Variants in CTDSPL observed in about 807,000 individuals in gnomAD.
The protein encoded by CTDSPL is CTD small phosphatase-like protein.
A neutral mutation model predicts 30.5 loss-of-function variants in CTDSPL; 8 were observed. That is an observed-to-expected ratio of 0.26 (90% CI 0.15 to 0.47). The LOEUF (loss-of-function observed/expected upper bound fraction) is 0.47, where lower values mean the gene tolerates loss of function less well. Ranked by LOEUF, CTDSPL falls within the 20% of genes least tolerant of loss-of-function variation. The pLI is 0.99. For missense variants in CTDSPL, 248 were observed against 366.1 expected, an observed-to-expected ratio of 0.68 and a Z score of 2.63; for synonymous variants, 110 against 137.9, an observed-to-expected ratio of 0.80 and a Z score of 1.42.
At chr3:37,893,685 G>C (rs1443463860) in intron 1 of CTDSPL, among the ~76,000 whole-genome samples, 1 of 152,190 alleles carries the variant, frequency 6.6e-6, no homozygotes, top group Non-Finnish European at 1.5e-5. Flanking sequence ...AGAGGAATAA[G>C]TATAAATATT....
At chr3:37,973,749 T>C (rs1699393785) in intron 6 of CTDSPL, among the ~76,000 whole-genome samples, 1 of 152,232 alleles carries the variant, frequency 6.6e-6, no homozygotes. Flanking sequence ...TTAGTACCTA[T>C]TGTGTGCCAG....
At chr3:37,927,816 C>T (rs1490624620) in intron 1 of CTDSPL, among the ~76,000 whole-genome samples, 1 of 151,710 alleles carries the variant, frequency 6.6e-6, no homozygotes, top group Admixed American at 6.6e-5. Flanking sequence ...TTGACTGAAA[C>T]TCTAGACTCA....
At chr3:37,935,568 T>G (rs1489496442) in intron 1 of CTDSPL, among the ~76,000 whole-genome samples, 1 of 152,146 alleles carries the variant, frequency 6.6e-6, no homozygotes, top group Non-Finnish European at 1.5e-5. Flanking sequence ...CACAGGGGTT[T>G]AGGGAAGTGC....
chr3:37,977,731 A>G (rs550897643), intron 7 of CTDSPL, among the ~76,000 whole-genome samples: 173 of 151,952 alleles, frequency 1.1e-3, no homozygotes, highest in Admixed American at 2.0e-3. Flanking sequence ...CTTAAAAAAA[A>G]AAAAATTAGC....
chr3:37,976,524 C>G (rs1469955722), intron 7 of CTDSPL, among the ~76,000 whole-genome samples: 2 of 151,262 alleles, frequency 1.3e-5, no homozygotes, highest in Non-Finnish European at 2.9e-5. Context: ...CTCAGCTACT[C>G]GGGAGGCTGA....
At position 37,862,208 on chromosome 3, in the gene CTDSPL, C is replaced by A; in HGVS notation, c.9C>A (p.Gly3=). The A allele has an allele frequency of 7.0e-7, 1 of 1,427,104 alleles. No individual in the cohort carries two copies. Among genetic ancestry groups the A allele is most frequent in the Non-Finnish European group, 9.2e-7 (1 of 1,089,476 alleles). 88.4% of individuals were successfully genotyped at this position (1,427,104 alleles called of 1,614,324 possible). A position where few individuals can be genotyped will look rare whatever the true frequency, so the allele number is the denominator to read the frequency against. The change falls in exon 1 of 8, where the codon GGC becomes GGA. Residue 3 remains glycine (G), a synonymous_variant. Transcript: ENST00000273179. This position sits in a 1 kb window ranked among gnomAD's most constrained non-coding sequence, Gnocchi z 4.3. The part of the protein sequence containing the change: MD[G]PAIITQVTNP... ...CGCCGCGCCGCGCACCCATGGACGG[C>A]CCGGCCATCATCACCCAGGTGACCA...
At chr3:37,865,032 G>A (rs62241549) in intron 1 of CTDSPL, among the ~76,000 whole-genome samples, 8,971 of 152,214 alleles carry the variant, frequency 0.059, 300 homozygotes, top group African/African-American at 0.082. Context: ...ATTTACAAAG[G>A]AAGTACTAAG....
chr3:37,957,105 C>A lies in CTDSPL; in HGVS notation c.235-6C>A. On this transcript the variant is annotated splice_polypyrimidine_tract_variant and splice_region_variant and intron_variant, in intron 2 of 7. Coordinates refer to ENST00000273179, the MANE Select transcript of CTDSPL (RefSeq NM_001008392.2). ...TGACAATGATTTTTTTTTTCTTTTT[C>A]CTCAGGGTGACCAGAGGCAGGTCAT... 1 of 1,594,210 alleles carries A rather than the reference C, an allele frequency of 6.3e-7. No individual in the cohort carries two copies. Among genetic ancestry groups the A allele is most frequent in the Non-Finnish European group, 8.6e-7 (1 of 1,169,468 alleles).
intron 7 of CTDSPL, among the ~76,000 whole-genome samples, chr3:37,979,181 G>A (rs1051706441): frequency 6.6e-6 from 1 of 152,080 alleles, no homozygotes; most frequent in Non-Finnish European, 1.5e-5. Context: ...TGAATGCCAG[G>A]CTTGGTGGCT....
In CTDSPL at chr3:37,940,734, A is replaced by G. The variant is rs184480506; in HGVS notation, c.80-6323A>G. ...GCCAGCCCTTGATAAAGGACAGAAC[A>G]TTGGTAGGGTGAGAGTGGTTCCCCA... On this transcript the variant is annotated intron_variant, in intron 1 of 7. Coordinates refer to ENST00000273179, the MANE Select transcript of CTDSPL (RefSeq NM_001008392.2). 2.0e-5 allele frequency among the ~76,000 whole-genome samples: 3 copies of G among 150,484 alleles called. No individual in the cohort carries two copies. The East Asian group carries it at 5.8e-4, about 29-fold the overall frequency.
At chr3:37,940,965 A>G (rs1262410948) in intron 1 of CTDSPL, among the ~76,000 whole-genome samples, 1 of 150,298 alleles carries the variant, frequency 6.7e-6, no homozygotes, top group Non-Finnish European at 1.5e-5. Flanking sequence ...AGTTGTCTAT[A>G]TGTGTACTTT....
At chr3:37,868,351 T>C (rs1698035998) in intron 1 of CTDSPL, among the ~76,000 whole-genome samples, 1 of 152,096 alleles carries the variant, frequency 6.6e-6, no homozygotes, top group Admixed American at 6.6e-5. Flanking sequence ...GTATTTCTTC[T>C]AGCCTATAGC....
At chr3:37,934,263 A>G (rs1216607546) in intron 1 of CTDSPL, among the ~76,000 whole-genome samples, 1 of 151,834 alleles carries the variant, frequency 6.6e-6, no homozygotes, top group African/African-American at 2.4e-5. Flanking sequence ...GGAAGTCAAG[A>G]CTACAGTGAG....
intron 1 of CTDSPL, among the ~76,000 whole-genome samples, chr3:37,878,095 T>C (rs1008161704): frequency 6.6e-6 from 1 of 152,202 alleles, no homozygotes; most frequent in African/African-American, 2.4e-5. Flanking sequence ...ACTTGTTATC[T>C]TCTGTTTTTG....
intron 1 of CTDSPL, among the ~76,000 whole-genome samples, chr3:37,904,178 C>T (rs1698485833): frequency 6.6e-6 from 1 of 152,216 alleles, no homozygotes; most frequent in Non-Finnish European, 1.5e-5. Context: ...TTCACTGAAA[C>T]TTTGAACTTA....
At chr3:37,973,275 T>C (rs1464725897) in intron 6 of CTDSPL, among the ~76,000 whole-genome samples, 2 of 152,270 alleles carry the variant, frequency 1.3e-5, no homozygotes, top group Non-Finnish European at 2.9e-5. Context: ...TCTGGGATGC[T>C]GAAGGGCCTG....
rs71635858 is a variant in CTDSPL at position 37,948,808 on chromosome 3, C to CTTTTTTTTTTTTTTT, written c.234+1606_234+1620dup. On this transcript the variant is annotated intron_variant, in intron 2 of 7. Transcript: ENST00000273179. ...TAATGAGAGACCATTTTCCAGCTTT[C>CTTTTTTTTTTTTTTT]TTTTTTTTTTTTTTTTTTTTTTTGA... 3.4e-4 allele frequency among the ~76,000 whole-genome samples: 37 copies of CTTTTTTTTTTTTTTT among 108,148 alleles called. 1 individual carries two copies. The highest frequency in any genetic ancestry group is 1.4e-3 in the African/African-American group (35 of 24,452). The allele number at this position is 108,148 out of a possible 152,430, so 70.9% of individuals were successfully genotyped here.
At chr3:37,871,153 T>C (rs1009103036) in intron 1 of CTDSPL, among the ~76,000 whole-genome samples, 9 of 152,208 alleles carry the variant, frequency 5.9e-5, no homozygotes, top group African/African-American at 1.9e-4. Flanking sequence ...CACTGATCTT[T>C]TTACTGTCAC....
At chr3:37,915,243 CTT>C (rs1418599909) in intron 1 of CTDSPL, among the ~76,000 whole-genome samples, 1 of 151,990 alleles carries the variant, frequency 6.6e-6, no homozygotes, top group Non-Finnish European at 1.5e-5. Flanking sequence ...AAGATTTTCT[CTT>C]TGTCTTTGGT....
Sources: allele counts gnomAD v4.1 joint callset (sites outside exome capture counted in the v4.1 genomes callset), GRCh38; gene constraint gnomAD v4.1.1; non-coding constraint Gnocchi (gnomAD v3.1); transcripts MANE v1.5; gene names NCBI Gene and HGNC (gene_info 2026-07-23, HGNC 2026-07-21).